NPEPL1: variants seen among roughly 807,000 people sequenced by gnomAD.
NPEPL1 encodes the protein aminopeptidase like 1, also known as probable aminopeptidase NPEPL1.
In NPEPL1, 45 loss-of-function variants were observed where a neutral mutation model predicts 52.4. That is an observed-to-expected ratio of 0.86 (90% confidence interval 0.68 to 1.10). NPEPL1 has a LOEUF of 1.10. NPEPL1 is among the 50% of genes least tolerant of loss of function. The pLI, the probability that NPEPL1 is intolerant of heterozygous loss-of-function variation, is 0.00. For missense variants in NPEPL1, 696 were observed against 710.9 expected (o/e 0.98, Z 0.24); for synonymous variants, 360 against 314.7 (o/e 1.14, Z -1.52).
chr20:58,689,676 C>A (rs2123061839), upstream of NPEPL1, among the ~76,000 whole-genome samples: 1 of 152,332 alleles, frequency 6.6e-6, no homozygotes, highest in South Asian at 2.1e-4. Flanking sequence ...ACCGATCCCT[C>A]CAGGCCCAAC....
At chr20:58,691,693 CTTTT>C (rs11471424), upstream of NPEPL1, 129,918 of 550,730 alleles carry the variant, frequency 0.24, 4,084 homozygotes, top group East Asian at 0.33. Context: ...TTTTTCTTTT[CTTTT>C]TTTTTTTTTT....
At chr20:58,694,000 C>A in intron 2 of NPEPL1, 78 bp downstream of exon 2, 1 of 1,352,870 alleles carries the variant, frequency 7.4e-7, no homozygotes, top group Non-Finnish European at 1.0e-6. Context: ...GCTCACAGCC[C>A]TGCTCAGACT....
At chr20:58,703,700 C>T (rs1444715607) in intron 6 of NPEPL1, 2 of 984,572 alleles carry the variant, frequency 2.0e-6, no homozygotes, top group African/African-American at 3.5e-5. Context: ...TGTGGGTAGA[C>T]CTGTGCAGTT....
rs373262361 is a variant in NPEPL1 at position 58,712,527 on chromosome 20, G to C, written c.949G>C (p.Val317Leu). 1 of 1,613,680 alleles carries C rather than the reference G, an allele frequency of 6.2e-7. No homozygotes were observed. The highest frequency in any genetic ancestry group is 2.2e-5 in the East Asian group (1 of 44,856). The change falls in exon 8 of 12, where the codon GTG becomes CTG. Residue 317 changes from valine (V) to leucine (L), a missense_variant. Physicochemically the swap from Val to Leu is conservative, Grantham distance 32 (BLOSUM62 1). Coordinates refer to ENST00000356091, the MANE Select transcript of NPEPL1 (RefSeq NM_024663.4). ...TGTGTTCTGCTTGGCTGAGAACTCG[G>C]TGGGGCCCAATGCGACAAGGCCAGA... ...HAVFCLAENSVGPNATRPDDI... is the reference protein window; with the variant it reads ...HAVFCLAENSLGPNATRPDDI...
chr20:58,714,215 G>A, intron 10 of NPEPL1, 122 bp downstream of exon 10: 1 of 1,131,056 alleles, frequency 8.8e-7, no homozygotes, highest in Non-Finnish European at 1.2e-6. Flanking sequence ...CCACAGTGCA[G>A]ACGAGGGCTT....
chr20:58,701,437 G>C (rs2084620017), intron 6 of NPEPL1, among the ~76,000 whole-genome samples: 2 of 150,382 alleles, frequency 1.3e-5, no homozygotes, highest in South Asian at 4.2e-4. Context: ...GGGGTGGGGG[G>C]CGGCGAGGTT....
chr20:58,691,364 CTTTTTTTTTTTTTTTTTTTTTTTTTTTT>C (rs59929508), upstream of NPEPL1: 1 of 172,228 alleles, frequency 5.8e-6, no homozygotes, highest in Non-Finnish European at 9.9e-6. Flanking sequence ...CATTCAACAG[CTTTTTTTTTTTTTTTTTTTTTTTTTTTT>C]TTTTTTTTTG....
rs1223787927 is a variant in NPEPL1 at position 58,692,935 on chromosome 20, CG to C, written c.40del (p.Asp14ThrfsTer43). 3.5e-6 allele frequency: 4 copies of C among 1,141,650 alleles called. No homozygotes were observed. The highest frequency in any genetic ancestry group is 3.3e-6 in the Non-Finnish European group (3 of 916,568). The allele number at this position is 1,141,650 out of a possible 1,614,324, so 70.7% of individuals were successfully genotyped here. On this transcript the variant is annotated frameshift_variant, in exon 1 of 12. Transcript: ENST00000356091. LOFTEE classifies it high-confidence loss of function. This position sits in a 1 kb window ranked among gnomAD's most constrained non-coding sequence, Gnocchi z 5.7. ...GTGGGGCTGCAGTTCCAGGCGAGCG[CG>C]GGGGACTCGGACCCACAGAGCCGGC... is the stretch of plus-strand genomic sequence containing the variant. Reference protein sequence around the residue: ...ANVGLQFQASAGDSDPQSRPL... With the variant: ...ANVGLQFQASXGDSDPQSRPL...
intron 3 of NPEPL1, among the ~76,000 whole-genome samples, chr20:58,696,088 G>C (rs965613240): frequency 6.6e-6 from 1 of 152,222 alleles, no homozygotes; most frequent in African/African-American, 2.4e-5. Context: ...CTGCCATCCA[G>C]GTGGGCACGG....
chr20:58,703,946 G>C (rs1568854469), intron 6 of NPEPL1: 2 of 985,360 alleles, frequency 2.0e-6, no homozygotes, highest in East Asian at 2.3e-4. Flanking sequence ...AGGAAGAGCT[G>C]GGTGTTCTGG....
chr20:58,701,423 T>G, intron 6 of NPEPL1, among the ~76,000 whole-genome samples: 1 of 94,934 alleles, frequency 1.1e-5, no homozygotes, highest in Non-Finnish European at 2.1e-5. Flanking sequence ...CTGAGAGGTG[T>G]CATGGGGTGG....
intron 6 of NPEPL1, among the ~76,000 whole-genome samples, chr20:58,705,271 A>G (rs2084715475): frequency 6.6e-6 from 1 of 152,194 alleles, no homozygotes; most frequent in Admixed American, 6.5e-5. Context: ...TCAAGTAAAG[A>G]TGGTGTCGTG....
Position 58,712,475 on chromosome 20 carries a change from C to T in NPEPL1, c.901-4C>T, listed in dbSNP as rs2084869529. ...CTGGAGCCTCTGCCCACTTCTCCCT[C>T]CAGGGTTTCAAAGACAACCTCCACG... On this transcript the variant is annotated splice_region_variant and splice_polypyrimidine_tract_variant and intron_variant, in intron 7 of 11. Coordinates refer to ENST00000356091, the MANE Select transcript of NPEPL1 (RefSeq NM_024663.4). 6.2e-7 allele frequency: 1 copy of T among 1,609,838 alleles called. No homozygotes were observed. Among genetic ancestry groups the T allele is most frequent in the African/African-American group, 1.3e-5 (1 of 74,850 alleles).
chr20:58,698,115 A>T (rs537572086), intron 3 of NPEPL1, among the ~76,000 whole-genome samples: 1 of 152,360 alleles, frequency 6.6e-6, no homozygotes, highest in African/African-American at 2.4e-5. Flanking sequence ...GAGGAAAGCA[A>T]CGGCCCAGAG....
chr20:58,694,337 GT>G, intron 2 of NPEPL1, 84 bp from the exon 3 acceptor site: 1 of 1,382,106 alleles, frequency 7.2e-7, no homozygotes, highest in Non-Finnish European at 9.8e-7. Flanking sequence ...GGGAGCTGAT[GT>G]TCCGGAGGCG....
At chr20:58,701,195 A>T (rs370869146) in intron 6 of NPEPL1, 37 bp downstream of exon 6, 57 of 1,031,490 alleles carry the variant, frequency 5.5e-5, no homozygotes, top group Non-Finnish European at 6.2e-5. Flanking sequence ...GCCCTGGGGG[A>T]GGGGAGGGGA....
chr20:58,693,057 G>T lies in NPEPL1; in HGVS notation c.150+7G>T. The T allele has an allele frequency of 9.8e-7, 1 of 1,021,166 alleles. No homozygotes were observed. The highest frequency in any genetic ancestry group is 7.3e-5 in the East Asian group (1 of 13,606). The allele number at this position is 1,021,166 out of a possible 1,614,324, so 63.3% of individuals were successfully genotyped here. On this transcript the variant is annotated splice_region_variant and intron_variant, in intron 1 of 11. Transcript: ENST00000356091. ...GCCCCGGGTCACCGAGGAGGTGAGC[G>T]GGCCGCCGGCCGCCATGCGACCCGC...
Position 58,701,129 on chromosome 20 carries a change from G to T in NPEPL1, c.793G>T (p.Asp265Tyr). ...IAWVGKGIVYDTGGLSIKGKT... is the reference protein window; with the variant it reads ...IAWVGKGIVYYTGGLSIKGKT... ...CTGGGTGGGCAAAGGCATCGTCTAT[G>T]ACACTGGAGGCCTCAGCATCAAAGG... Residue 265 changes from aspartate to tyrosine, a missense_variant, in exon 6 of 12, where the codon GAC (aspartate) becomes TAC (tyrosine). Coordinates refer to ENST00000356091, the MANE Select transcript of NPEPL1 (RefSeq NM_024663.4). The T allele has an allele frequency of 6.3e-7, 1 of 1,581,424 alleles. No individual in the cohort carries two copies. Among genetic ancestry groups the T allele is most frequent in the Non-Finnish European group, 8.6e-7 (1 of 1,164,826 alleles).
chr20:58,713,927 C>T lies in NPEPL1; in HGVS notation c.1136C>T (p.Thr379Ile), dbSNP rs1447320973. 54 of 1,481,478 alleles carry T rather than the reference C, an allele frequency of 3.6e-5. No homozygotes were observed. Among genetic ancestry groups the T allele is most frequent in the Non-Finnish European group, 4.8e-5 (54 of 1,119,584 alleles). The allele number at this position is 1,481,478 out of a possible 1,614,324, so 91.8% of individuals were successfully genotyped here. The change falls in exon 10 of 12, where the codon ACA (threonine) becomes ATA (isoleucine). Residue 379 changes from threonine (T) to isoleucine (I), a missense_variant. Transcript: ENST00000356091. The surrounding 1 kb of genome is among the most constrained non-coding windows in gnomAD (Gnocchi z 4.6). ...TTCCTGCCCGCCCAGGGCATTGCCA[C>T]AGGGAAGTACCACGCCGCGGTGCTC... ...ATLTGAQGIA[T>I]GKYHAAVLTN... is the part of the protein sequence containing the mutation.
Sources: gnomAD v4.1 joint callset for allele counts (sites outside exome capture counted in the v4.1 genomes callset) on GRCh38, gnomAD v4.1.1 for gene constraint, Gnocchi (gnomAD v3.1) non-coding constraint, MANE v1.5 for transcripts, NCBI Gene and HGNC (gene_info 2026-07-23, HGNC 2026-07-21) for gene names.